Variants in TBC1D9 observed in about 807,000 individuals in gnomAD.
The protein encoded by TBC1D9 is TBC1 domain family member 9.
Under a neutral mutation model 132.0 loss-of-function variants are expected in TBC1D9, and 63 were observed. The observed-to-expected ratio is 0.48, with a 90% CI of 0.39 to 0.59. TBC1D9 has a LOEUF of 0.59. Ranked by LOEUF, TBC1D9 falls within the 20% of genes least tolerant of loss-of-function variation. The pLI is 0.00. For synonymous variants in TBC1D9, 610 were observed against 609.9 expected (o/e 1.00, Z 0.00); for missense variants, 1,261 against 1,592.7 (o/e 0.79, Z 3.54).
At chr4:140,643,479 G>T in intron 13 of TBC1D9, 1 of 886,884 alleles carries the variant, frequency 1.1e-6, no homozygotes. Context: ...GGTGCTGCCG[G>T]GCACAGGCAC....
Position 140,627,463 on chromosome 4 carries a change from A to T in TBC1D9, c.2877T>A (p.Asp959Glu), listed in dbSNP as rs1736726935. 1 of 1,609,088 alleles carries T rather than the reference A, an allele frequency of 6.2e-7. No homozygotes were observed. The highest frequency in any genetic ancestry group is 1.7e-5 in the Admixed American group (1 of 59,752). ...TACCATGTGTACATTCTGGGGTAATATCTTCAAAGAAGTACTGAGTTGCTT... is the reference window on the plus strand; with the variant it reads ...TACCATGTGTACATTCTGGGGTAATTTCTTCAAAGAAGTACTGAGTTGCTT... ...AFEATQYFFE[D>E]ITPECTHVVG... is the part of the protein sequence containing the mutation. Residue 959 changes from aspartate to glutamate, a missense_variant, in exon 18 of 21, where the codon GAT (aspartate) becomes GAA (glutamate). By Grantham distance (45) the Asp-to-Glu change is conservative (BLOSUM62 2). Around this residue, in one of 3 missense-constraint regions of TBC1D9, gnomAD observed 618 missense variants for 724.4 expected, o/e 0.85. Transcript: ENST00000442267.
intron 9 of TBC1D9, among the ~76,000 whole-genome samples, chr4:140,662,703 T>TTGGGGA (rs1290868517): frequency 6.6e-6 from 1 of 152,070 alleles, no homozygotes; most frequent in Non-Finnish European, 1.5e-5. Context: ...TCCTCAGGTG[T>TTGGGGA]TGGGGATGGG....
At chr4:140,660,984 A>G (rs895477421) in intron 10 of TBC1D9, among the ~76,000 whole-genome samples, 1 of 151,634 alleles carries the variant, frequency 6.6e-6, no homozygotes, top group Non-Finnish European at 1.5e-5. Flanking sequence ...GTATGATCTC[A>G]GCTCATTGCA....
chr4:140,752,937 C>G (rs1157204443), intron 1 of TBC1D9, among the ~76,000 whole-genome samples: 1 of 152,174 alleles, frequency 6.6e-6, no homozygotes, highest in Non-Finnish European at 1.5e-5. Flanking sequence ...CACATGTACA[C>G]TGATCCAGAT....
intron 1 of TBC1D9, among the ~76,000 whole-genome samples, chr4:140,734,624 C>A (rs529197818): frequency 1.3e-5 from 2 of 152,204 alleles, no homozygotes; most frequent in African/African-American, 4.8e-5. Flanking sequence ...AGACCCCCAT[C>A]TCTACAAAAA....
chr4:140,717,153 G>A (rs890878274), intron 1 of TBC1D9, among the ~76,000 whole-genome samples: 5 of 152,070 alleles, frequency 3.3e-5, no homozygotes, highest in Non-Finnish European at 5.9e-5. Flanking sequence ...TCTTCCTCAC[G>A]TTCTGTTACA....
chr4:140,691,201 C>G (rs1315735823), intron 2 of TBC1D9, among the ~76,000 whole-genome samples: 1 of 152,102 alleles, frequency 6.6e-6, no homozygotes, highest in Non-Finnish European at 1.5e-5. Context: ...AGCAGGTGGC[C>G]ACTTCTGTCC....
At chr4:140,725,252 A>G (rs1738480441) in intron 1 of TBC1D9, among the ~76,000 whole-genome samples, 1 of 152,238 alleles carries the variant, frequency 6.6e-6, no homozygotes, top group Non-Finnish European at 1.5e-5. Flanking sequence ...ATGACATGCT[A>G]TGTTTTGATA....
Position 140,658,393 on chromosome 4 carries a change from CAT to C in TBC1D9, c.1922-583_1922-582del, listed in dbSNP as rs1233513077. Among the ~76,000 whole-genome samples the C allele has an allele frequency of 2.0e-5, 3 of 152,134 alleles. No individual in the cohort carries two copies. The East Asian group carries it at 5.8e-4, about 29-fold the overall frequency. On this transcript the variant is annotated intron_variant, in intron 11 of 20. Transcript: ENST00000442267. ...AATGGTAAACAGTTGTGTATCAAAACATAGAAATGATACAGTAAATATACAGT... is the reference window on the plus strand; with the variant it reads ...AATGGTAAACAGTTGTGTATCAAAACAGAAATGATACAGTAAATATACAGT...
intron 13 of TBC1D9, chr4:140,642,415 T>A: frequency 1.1e-6 from 1 of 880,254 alleles, no homozygotes; most frequent in South Asian, 1.4e-5. Flanking sequence ...GGCCAGCACC[T>A]TCCTGTCCTT....
At chr4:140,669,213 G>C in intron 8 of TBC1D9, 146 bp from the exon 9 acceptor site, 1 of 808,280 alleles carries the variant, frequency 1.2e-6, no homozygotes, top group Non-Finnish European at 1.9e-6. Flanking sequence ...AGATTTTCTG[G>C]AGTTCTTCTC....
chr4:140,650,451 A>G (rs1020556920), intron 13 of TBC1D9, among the ~76,000 whole-genome samples: 2 of 151,968 alleles, frequency 1.3e-5, no homozygotes, highest in Non-Finnish European at 2.9e-5. Context: ...TACCACCTTC[A>G]CTCCCTACCC....
At chr4:140,680,293 G>A (rs1737683999) in intron 3 of TBC1D9, among the ~76,000 whole-genome samples, 1 of 152,148 alleles carries the variant, frequency 6.6e-6, no homozygotes, top group Admixed American at 6.6e-5. Flanking sequence ...CACACTCACT[G>A]TCTCAGGGCC....
Position 140,642,784 on chromosome 4 carries a change from C to A in TBC1D9, c.2338-3356G>T, listed in dbSNP as rs138311742. ...CTGATGTCGGCAGAGATTTGCTGCT[C>A]AGCTTTCCGCTACTGTTGCAGTTCT... On this transcript the variant is annotated intron_variant, in intron 13 of 20. Coordinates refer to ENST00000442267, the MANE Select transcript of TBC1D9 (RefSeq NM_015130.3). The A allele has an allele frequency of 7.1e-4, 450 of 634,852 alleles. 4 individuals are homozygous for A. In the African/African-American group the frequency reaches 7.2e-3, roughly 10 times the overall value. The allele number at this position is 634,852 out of a possible 1,614,324, so 39.3% of individuals were successfully genotyped here. A position where few individuals can be genotyped will look rare whatever the true frequency, so the allele number is the denominator to read the frequency against.
intron 1 of TBC1D9, among the ~76,000 whole-genome samples, chr4:140,749,746 A>G (rs570075476): frequency 6.6e-6 from 1 of 152,324 alleles, no homozygotes; most frequent in Admixed American, 6.5e-5. Context: ...CTAAAACATA[A>G]GGATACAGAA....
chr4:140,678,501 A>T (rs1157350400), intron 5 of TBC1D9, among the ~76,000 whole-genome samples: 1 of 152,134 alleles, frequency 6.6e-6, no homozygotes, highest in Non-Finnish European at 1.5e-5. Context: ...TAGCCATGTG[A>T]CAAAGTTACT....
intron 1 of TBC1D9, 115 bp from the exon 2 acceptor site, chr4:140,701,729 C>G: frequency 2.8e-6 from 2 of 720,658 alleles, no homozygotes; most frequent in Non-Finnish European, 4.6e-6. Context: ...CCATCTCCCA[C>G]TGAACCACAC....
At chr4:140,643,916 C>T in intron 13 of TBC1D9, 1 of 687,226 alleles carries the variant, frequency 1.5e-6, no homozygotes. Flanking sequence ...GAGGCGGCAG[C>T]TCTGCGGGGC....
chr4:140,711,040 G>A (rs150667094), intron 1 of TBC1D9, among the ~76,000 whole-genome samples: 34 of 152,284 alleles, frequency 2.2e-4, no homozygotes, highest in African/African-American at 7.9e-4. Flanking sequence ...ACTTTGTGCA[G>A]GACTCAAATC....
Sources: allele counts gnomAD v4.1 joint callset (sites outside exome capture counted in the v4.1 genomes callset), GRCh38; gene constraint gnomAD v4.1.1; regional missense constraint gnomAD v4.1.1; transcripts MANE v1.5; gene names NCBI Gene and HGNC (gene_info 2026-07-23, HGNC 2026-07-21).